RNF17: variants seen among roughly 807,000 people sequenced by gnomAD.
RNF17 encodes the protein spermatogenesis associated 23.
In RNF17, 31 loss-of-function variants were observed where a neutral mutation model predicts 200.5. The ratio of observed to expected loss-of-function variants is 0.15; its 90% CI spans 0.12 to 0.21. The LOEUF (loss-of-function observed/expected upper bound fraction) is 0.21. Among genes scored for constraint, RNF17 ranks in the 10% least tolerant of loss-of-function variants. The pLI is 1.00. For missense variants in RNF17, 1,628 were observed against 1,905.1 expected, an observed-to-expected ratio of 0.85 and a Z score of 2.71; for synonymous variants, 606 against 637.8, an observed-to-expected ratio of 0.95 and a Z score of 0.75.
chr13:24,853,890 A>T lies in RNF17; in HGVS notation c.3356A>T (p.Glu1119Val). The change falls in exon 25 of 36, where the codon GAG becomes GTG. Residue 1119 changes from glutamate (E) to valine (V), a missense_variant. Transcript: ENST00000255324. ...NNLDNSHSLS[E>V]KSLEVPLEQE... is the part of the protein sequence containing the mutation. ...TTAGATAACAGCCATTCATTATCTG[A>T]GAAGTCTCTGGAAGTCCCCCTGGAA... The T allele has an allele frequency of 2.5e-6, 4 of 1,612,348 alleles. No homozygotes were observed. Among genetic ancestry groups the T allele is most frequent in the Non-Finnish European group, 3.4e-6 (4 of 1,179,300 alleles).
chr13:24,856,444 T>C (rs1355591196), intron 25 of RNF17, among the ~76,000 whole-genome samples: 1 of 151,984 alleles, frequency 6.6e-6, no homozygotes, highest in African/African-American at 2.4e-5. Flanking sequence ...AAAAATCCTT[T>C]CTTACTCTGA....
At chr13:24,870,792 G>C in intron 32 of RNF17, 53 bp downstream of exon 32, 2 of 1,490,700 alleles carry the variant, frequency 1.3e-6, no homozygotes, top group Non-Finnish European at 1.8e-6. Context: ...CTTGGATTTT[G>C]TTTCAATGGG....
At chr13:24,810,205 T>C (rs991769658) in intron 15 of RNF17, among the ~76,000 whole-genome samples, 7 of 148,660 alleles carry the variant, frequency 4.7e-5, no homozygotes, top group African/African-American at 1.8e-4. Flanking sequence ...TTGTTGACTT[T>C]CTGTCTCGTT....
intron 16 of RNF17, chr13:24,825,974 A>G (rs1347815568): frequency 1.0e-6 from 1 of 985,074 alleles, no homozygotes; most frequent in African/African-American, 1.7e-5. Context: ...GAACTTAACC[A>G]TTGGGAATCT....
chr13:24,860,492 C>G (rs1281146671), intron 26 of RNF17, among the ~76,000 whole-genome samples: 1 of 151,998 alleles, frequency 6.6e-6, no homozygotes, highest in Non-Finnish European at 1.5e-5. Flanking sequence ...TCTCGTGAAA[C>G]CATATCCTAA....
At chr13:24,818,332 G>GA (rs574197008) in intron 15 of RNF17, among the ~76,000 whole-genome samples, 4 of 150,270 alleles carry the variant, frequency 2.7e-5, no homozygotes, top group African/African-American at 7.3e-5. Flanking sequence ...GGCCTTGTAG[G>GA]AAAAAAAAAG....
intron 23 of RNF17, among the ~76,000 whole-genome samples, chr13:24,851,075 A>G (rs1309967680): frequency 6.6e-6 from 1 of 152,136 alleles, no homozygotes; most frequent in Non-Finnish European, 1.5e-5. Flanking sequence ...GCTCACCGCA[A>G]TCTCCGACTC....
intron 10 of RNF17, 50 bp downstream of exon 10, chr13:24,793,396 GAC>G (rs765842861): frequency 1.3e-6 from 2 of 1,484,328 alleles, no homozygotes; most frequent in Non-Finnish European, 1.8e-6. Flanking sequence ...TCTGTAATTA[GAC>G]ACAGTTGGTA....
chr13:24,809,129 G>A (rs1315074143), intron 15 of RNF17, among the ~76,000 whole-genome samples: 6 of 150,456 alleles, frequency 4.0e-5, no homozygotes, highest in Non-Finnish European at 8.9e-5. Flanking sequence ...GTCTCTGCCC[G>A]GCTTTGGTAT....
chr13:24,792,577 G>T (rs375027962), intron 9 of RNF17, among the ~76,000 whole-genome samples: 1 of 152,156 alleles, frequency 6.6e-6, no homozygotes, highest in Non-Finnish European at 1.5e-5. Context: ...TTGCAAGGTC[G>T]TGTACATATA....
chr13:24,786,237 G>A (rs1171252736), intron 6 of RNF17, among the ~76,000 whole-genome samples: 2 of 152,082 alleles, frequency 1.3e-5, no homozygotes, highest in South Asian at 2.1e-4. Context: ...ACATCCTGAA[G>A]TTATAACAAT....
chr13:24,850,993 C>T (rs1891823847), intron 23 of RNF17, among the ~76,000 whole-genome samples: 1 of 152,140 alleles, frequency 6.6e-6, no homozygotes, highest in Non-Finnish European at 1.5e-5. Context: ...CACTCTCTTC[C>T]ATGCTGTTTG....
chr13:24,820,529 G>A (rs1487683636), intron 15 of RNF17, among the ~76,000 whole-genome samples: 3 of 152,140 alleles, frequency 2.0e-5, no homozygotes, highest in East Asian at 3.9e-4. Context: ...TCTGCCTCCC[G>A]GGTTCAAGCA....
Position 24,853,875 on chromosome 13 carries a change from G to A in RNF17, c.3341G>A (p.Ser1114Asn). The change falls in exon 25 of 36, where the codon AGC (serine) becomes AAC (asparagine). Residue 1114 changes from serine to asparagine, a missense_variant. Around this residue, in one of 5 missense-constraint regions of RNF17, gnomAD observed 609 missense variants for 681.9 expected, o/e 0.89. Coordinates refer to ENST00000255324, the MANE Select transcript of RNF17 (RefSeq NM_031277.3). ...TACAGAATTAATAACTTAGATAACA[G>A]CCATTCATTATCTGAGAAGTCTCTG... ...RERRINNLDN[S>N]HSLSEKSLEV... 1 of 1,607,628 alleles carries A rather than the reference G, an allele frequency of 6.2e-7. No homozygotes were observed. Among genetic ancestry groups the A allele is most frequent in the Non-Finnish European group, 8.5e-7 (1 of 1,177,034 alleles).
At chr13:24,772,343 C>T (rs934287391) in intron 2 of RNF17, among the ~76,000 whole-genome samples, 9 of 150,634 alleles carry the variant, frequency 6.0e-5, no homozygotes, top group South Asian at 4.2e-4. Flanking sequence ...TTTTTCCATA[C>T]GTATTTTAGA....
At chr13:24,836,614 C>T (rs931192231) in intron 18 of RNF17, among the ~76,000 whole-genome samples, 1 of 152,116 alleles carries the variant, frequency 6.6e-6, no homozygotes, top group African/African-American at 2.4e-5. Context: ...AACTAAGCAT[C>T]ATATATGAAG....
rs887488254 is a variant in RNF17 at position 24,841,902 on chromosome 13, G to C, written c.2483-139G>C. The C allele has an allele frequency of 5.5e-6, 3 of 540,600 alleles. No homozygotes were observed. The Admixed American group carries it at 1.0e-4, about 18-fold the overall frequency. The allele number at this position is 540,600 out of a possible 1,614,324, so 33.5% of individuals were successfully genotyped here. On this transcript the variant is annotated intron_variant, in intron 18 of 35. Coordinates refer to ENST00000255324, the MANE Select transcript of RNF17 (RefSeq NM_031277.3). ...AATCACTTGAACCCAGGAGGCAGAG[G>C]TTGCAGTGAGCTGAGATCGTGCCAC...
chr13:24,758,583 G>A, the RNF17 span, among the ~76,000 whole-genome samples: 8 of 152,120 alleles, frequency 5.3e-5, no homozygotes, highest in African/African-American at 1.7e-4. Flanking sequence ...GGCTGAAGAC[G>A]TGATAGCCCT....
chr13:24,804,484 A>G (rs1006719728), intron 15 of RNF17, 55 bp downstream of exon 15: 39 of 1,354,314 alleles, frequency 2.9e-5, no homozygotes, highest in Non-Finnish European at 3.6e-5. Flanking sequence ...TTAATTAGAC[A>G]TGTATAACAA....
Sources: allele counts gnomAD v4.1 joint callset (sites outside exome capture counted in the v4.1 genomes callset), GRCh38; gene constraint gnomAD v4.1.1; regional missense constraint gnomAD v4.1.1; transcripts MANE v1.5; gene names NCBI Gene and HGNC (gene_info 2026-07-23, HGNC 2026-07-21).